CHST11: variants seen among roughly 807,000 people sequenced by gnomAD.
CHST11 encodes carbohydrate sulfotransferase 11.
Under a neutral mutation model 30.4 loss-of-function variants are expected in CHST11, and 9 were observed. The observed-to-expected ratio is 0.30, with a 90% confidence interval of 0.18 to 0.52. The LOEUF is 0.52. CHST11 is among the 20% of genes least tolerant of loss of function. The probability of loss-of-function intolerance (pLI) is 0.97; values close to 1 mark genes in which losing one functional copy is unlikely to be tolerated. For missense variants in CHST11, 348 were observed against 460.6 expected (o/e 0.76, Z 2.24); for synonymous variants, 152 against 187.8 (o/e 0.81, Z 1.56).
In CHST11 at chr12:104,740,810, C is replaced by T. The variant is rs138040783; in HGVS notation, c.205-16139C>T. Among the ~76,000 whole-genome samples the T allele has an allele frequency of 7.9e-5, 12 of 152,324 alleles. No homozygotes were observed. The East Asian group carries it at 1.5e-3, about 20-fold the overall frequency. ...CTGGATATCTGTATCTTCATGTCCTCGGCCATGGCCTAAGAAGCCGCAGAG... is the reference window on the plus strand; with the variant it reads ...CTGGATATCTGTATCTTCATGTCCTTGGCCATGGCCTAAGAAGCCGCAGAG... On this transcript the variant is annotated intron_variant, in intron 2 of 2. Coordinates refer to ENST00000303694, the MANE Select transcript of CHST11 (RefSeq NM_018413.6).
intron 2 of CHST11, among the ~76,000 whole-genome samples, chr12:104,641,568 G>T (rs1397447400): frequency 6.6e-6 from 1 of 152,200 alleles, no homozygotes; most frequent in Admixed American, 6.5e-5. Flanking sequence ...GCCTGCAAAG[G>T]GGTCAGGGAA....
chr12:104,525,013 A>G (rs954200258), intron 1 of CHST11, among the ~76,000 whole-genome samples: 5 of 152,198 alleles, frequency 3.3e-5, no homozygotes, highest in African/African-American at 9.7e-5. Flanking sequence ...TTTAAACAGA[A>G]AAAGAGGGAA....
At chr12:104,519,884 G>A (rs1325877626) in intron 1 of CHST11, among the ~76,000 whole-genome samples, 3 of 152,212 alleles carry the variant, frequency 2.0e-5, no homozygotes, top group Admixed American at 2.0e-4. Context: ...AGCCTTCACA[G>A]TTGGTTTTGT....
chr12:104,472,209 A>T (rs973353244), intron 1 of CHST11, among the ~76,000 whole-genome samples: 1 of 150,366 alleles, frequency 6.7e-6, no homozygotes, highest in African/African-American at 2.5e-5. Context: ...GCCTGGGCTC[A>T]AGGGATCTTG....
chr12:104,483,750 G>A (rs973922035), intron 1 of CHST11, among the ~76,000 whole-genome samples: 1 of 152,106 alleles, frequency 6.6e-6, no homozygotes, highest in Non-Finnish European at 1.5e-5. Context: ...TCCTCAGTAC[G>A]CCCCCTTAGT....
chr12:104,533,354 G>A (rs2038205208), intron 1 of CHST11, among the ~76,000 whole-genome samples: 1 of 152,156 alleles, frequency 6.6e-6, no homozygotes, highest in African/African-American at 2.4e-5. Context: ...GGATTCCTTT[G>A]TGGTTTTGTA....
At chr12:104,457,646 G>T in intron 1 of CHST11, 117 bp downstream of exon 1, 1 of 779,492 alleles carries the variant, frequency 1.3e-6, no homozygotes, top group Non-Finnish European at 2.2e-6. Context: ...CCTCTTCGGG[G>T]CTCCTGGCTG....
At chr12:104,731,594 T>A (rs866510875) in intron 2 of CHST11, among the ~76,000 whole-genome samples, 1 of 152,284 alleles carries the variant, frequency 6.6e-6, no homozygotes, top group East Asian at 1.9e-4. Flanking sequence ...GCAAACTGGG[T>A]GTAAACCCCC....
chr12:104,486,601 GT>G (rs971439631), intron 1 of CHST11, among the ~76,000 whole-genome samples: 2 of 152,174 alleles, frequency 1.3e-5, no homozygotes, highest in African/African-American at 4.8e-5. Flanking sequence ...GTCTAGAAGG[GT>G]GTGTTTCTGG....
chr12:104,575,144 G>A (rs1052446360), intron 1 of CHST11, among the ~76,000 whole-genome samples: 1 of 151,728 alleles, frequency 6.6e-6, no homozygotes, highest in African/African-American at 2.4e-5. Context: ...AGTGAGCCGA[G>A]ACTGTGCCAC....
chr12:104,641,312 CACTT>C (rs1362772957), intron 2 of CHST11, among the ~76,000 whole-genome samples: 2 of 152,232 alleles, frequency 1.3e-5, no homozygotes, highest in Admixed American at 6.5e-5. Context: ...GAGCTGTTAA[CACTT>C]AATCTGTCCA....
intron 1 of CHST11, among the ~76,000 whole-genome samples, chr12:104,488,689 GCGTA>G (rs1268634952): frequency 6.7e-6 from 1 of 149,068 alleles, no homozygotes; most frequent in Admixed American, 6.6e-5. Context: ...GTCTGTGTAT[GCGTA>G]TGTGTGTGTA....
At chr12:104,653,601 C>T (rs569741101) in intron 2 of CHST11, among the ~76,000 whole-genome samples, 42 of 152,204 alleles carry the variant, frequency 2.8e-4, no homozygotes, top group Non-Finnish European at 5.0e-4. Context: ...CCATCATAGC[C>T]ACCCCATAAT....
chr12:104,627,304 A>G (rs1216650201), intron 2 of CHST11, among the ~76,000 whole-genome samples: 1 of 152,136 alleles, frequency 6.6e-6, no homozygotes, highest in African/African-American at 2.4e-5. Flanking sequence ...CTAAACATCC[A>G]TGCGCAGGTT....
At chr12:104,677,110 CAA>C (rs2039749622) in intron 2 of CHST11, among the ~76,000 whole-genome samples, 2 of 152,160 alleles carry the variant, frequency 1.3e-5, no homozygotes, top group Non-Finnish European at 2.9e-5. Context: ...GTTGAGAGCA[CAA>C]AATGAAGTAA....
chr12:104,562,274 G>C (rs2038521161), intron 1 of CHST11, among the ~76,000 whole-genome samples: 1 of 152,062 alleles, frequency 6.6e-6, no homozygotes, highest in Non-Finnish European at 1.5e-5. Context: ...AAGTGGGCAG[G>C]GTTAGGAAAA....
intron 2 of CHST11, among the ~76,000 whole-genome samples, chr12:104,750,895 A>C (rs1192152663): frequency 6.6e-6 from 1 of 152,196 alleles, no homozygotes; most frequent in Non-Finnish European, 1.5e-5. Context: ...ATTTTTAAAA[A>C]CATTAATAGT....
chr12:104,554,414 CAA>C (rs2038435124), intron 1 of CHST11, among the ~76,000 whole-genome samples: 1 of 152,168 alleles, frequency 6.6e-6, no homozygotes, highest in Non-Finnish European at 1.5e-5. Context: ...CAGTGACTGG[CAA>C]AGTGTTTGAA....
intron 2 of CHST11, among the ~76,000 whole-genome samples, chr12:104,666,168 ATACTT>A (rs1279730226): frequency 1.3e-5 from 2 of 152,116 alleles, no homozygotes; most frequent in African/African-American, 4.8e-5. Context: ...TTAAGATTGA[ATACTT>A]TATTTAAATT....
Sources: gnomAD v4.1 joint callset for allele counts (sites outside exome capture counted in the v4.1 genomes callset) on GRCh38, gnomAD v4.1.1 for gene constraint, MANE v1.5 for transcripts, NCBI Gene and HGNC (gene_info 2026-07-23, HGNC 2026-07-21) for gene names.